Variants in TBL1X observed in about 807,000 individuals in gnomAD.
TBL1X encodes the protein F-box-like/WD repeat-containing protein TBL1X.
Under a neutral mutation model 50.7 loss-of-function variants are expected in TBL1X, and 10 were observed. The ratio of observed to expected loss-of-function variants is 0.20; its 90% CI spans 0.12 to 0.33. The LOEUF is 0.33. TBL1X is among the 10% of genes least tolerant of loss of function. TBL1X has a pLI of 1.00. For missense variants in TBL1X, 340 were observed against 504.4 expected, an observed-to-expected ratio of 0.67 and a Z score of 3.12; for synonymous variants, 190 against 214.7, an observed-to-expected ratio of 0.88 and a Z score of 1.01.
intron 5 of TBL1X, among the ~76,000 whole-genome samples, chrX:9,666,332 C>T (rs866479561): frequency 1.2e-4 from 13 of 110,842 alleles, no homozygotes; most frequent in Non-Finnish European, 1.1e-4. Context: ...ATATAACTAC[C>T]GGATCCCCTT....
intron 2 of TBL1X, among the ~76,000 whole-genome samples, chrX:9,616,905 C>T (rs957784605): frequency 4.5e-5 from 5 of 111,725 alleles, no homozygotes; most frequent in Non-Finnish European, 9.4e-5. Flanking sequence ...TGCAGACAGA[C>T]CCAGCCCTTG....
At chrX:9,654,596 C>G (rs954753686) in intron 5 of TBL1X, among the ~76,000 whole-genome samples, 3 of 111,246 alleles carry the variant, frequency 2.7e-5, no homozygotes, top group African/African-American at 9.8e-5. Context: ...GGAAGCAGTG[C>G]GGGGCTCTTG....
chrX:9,573,551 T>C lies in TBL1X; in HGVS notation c.-130-66722T>C, dbSNP rs141132494. 7.5e-3 allele frequency among the ~76,000 whole-genome samples: 851 copies of C among 112,950 alleles called. 4 individuals carry two copies. Among genetic ancestry groups the C allele is most frequent in the Middle Eastern group, 0.014 (3 of 219 alleles). ...TATGGTGCTTGAAACCTCTGAACTC[T>C]GCAGCTGTGGCAAGTTGTTGAACTG... On this transcript the variant is annotated intron_variant, in intron 2 of 17. Coordinates refer to ENST00000645353, the MANE Select transcript of TBL1X (RefSeq NM_005647.4).
intron 2 of TBL1X, among the ~76,000 whole-genome samples, chrX:9,527,770 C>G (rs1474881740): frequency 9.1e-6 from 1 of 110,486 alleles, no homozygotes; most frequent in African/African-American, 3.3e-5. Context: ...CACTGTTCCG[C>G]CACCATCACC....
At chrX:9,651,389 C>G (rs926288492) in intron 3 of TBL1X, among the ~76,000 whole-genome samples, 1 of 111,804 alleles carries the variant, frequency 8.9e-6, no homozygotes, top group Admixed American at 9.5e-5. Flanking sequence ...CCTAGTAACC[C>G]TTCGTAGCAA....
intron 13 of TBL1X, among the ~76,000 whole-genome samples, chrX:9,705,723 TAAAAAAA>T (rs34666783): frequency 1.3e-5 from 1 of 78,246 alleles, no homozygotes; most frequent in African/African-American, 4.8e-5. Flanking sequence ...CTTGTCTCTT[TAAAAAAA>T]AAAAAAAAAA....
chrX:9,717,446 G>T lies in TBL1X; in HGVS notation c.*1200G>T, dbSNP rs1156473224. 3.6e-5 allele frequency: 4 copies of T among 111,749 alleles called. No homozygotes were observed. Among genetic ancestry groups the T allele is most frequent in the Non-Finnish European group, 7.5e-5 (4 of 53,087 alleles). 9.2% of individuals were successfully genotyped at this position (111,749 alleles called of 1,213,427 possible). ...TCTGGCTGGACAAGGGTCAGTCTTC[G>T]GGGTCAGCAGCGAGATTGCTCTGCA... is the stretch of plus-strand genomic sequence containing the variant. On this transcript the variant is annotated 3_prime_UTR_variant, in exon 18 of 18. Transcript: ENST00000645353.
chrX:9,467,156 C>G (rs961843817), intron 1 of TBL1X, among the ~76,000 whole-genome samples: 1 of 112,609 alleles, frequency 8.9e-6, no homozygotes, highest in African/African-American at 3.2e-5. Flanking sequence ...ACCACTGGTT[C>G]TGTACAACAT....
chrX:9,556,574 A>C (rs2082301280), intron 2 of TBL1X, among the ~76,000 whole-genome samples: 1 of 109,652 alleles, frequency 9.1e-6, no homozygotes, highest in Non-Finnish European at 1.9e-5. Context: ...GGATCACTTG[A>C]GTCCAGGAGG....
At chrX:9,631,817 G>T (rs1053479975) in intron 2 of TBL1X, among the ~76,000 whole-genome samples, 1 of 112,481 alleles carries the variant, frequency 8.9e-6, no homozygotes, top group Non-Finnish European at 1.9e-5. Context: ...TTCTTTGTGG[G>T]AATCCACATT....
intron 2 of TBL1X, among the ~76,000 whole-genome samples, chrX:9,510,647 G>A (rs2082050767): frequency 8.9e-6 from 1 of 112,230 alleles, no homozygotes; most frequent in Non-Finnish European, 1.9e-5. Context: ...CAGGTACTTA[G>A]GAATGTTGTT....
chrX:9,592,078 T>C (rs2082503301), intron 2 of TBL1X, among the ~76,000 whole-genome samples: 1 of 112,402 alleles, frequency 8.9e-6, no homozygotes, highest in African/African-American at 3.2e-5. Context: ...TTCGTATCTG[T>C]TGATGTCATT....
intron 12 of TBL1X, among the ~76,000 whole-genome samples, chrX:9,701,619 C>G (rs1286608401): frequency 1.0e-5 from 1 of 97,912 alleles, no homozygotes; most frequent in African/African-American, 3.9e-5. Flanking sequence ...GAAAACAACT[C>G]TTAATGTTTT....
In TBL1X at chrX:9,536,343, C is replaced by G. The variant is rs763745806; in HGVS notation, c.-131+34494C>G. On this transcript the variant is annotated intron_variant, in intron 2 of 17. Coordinates refer to ENST00000645353, the MANE Select transcript of TBL1X (RefSeq NM_005647.4). ...TCGGCTCACTGCAACCTCCACCTCCCGGGTTCAAGCGATTCTTCTGCGTCA... is the reference window on the plus strand; with the variant it reads ...TCGGCTCACTGCAACCTCCACCTCCGGGGTTCAAGCGATTCTTCTGCGTCA... 1.9e-3 allele frequency among the ~76,000 whole-genome samples: 207 copies of G among 109,200 alleles called. 1 individual carries two copies. Among genetic ancestry groups the G allele is most frequent in the Middle Eastern group, 4.7e-3 (1 of 214 alleles). The allele number at this position is 109,200 out of a possible 115,157, so 94.8% of individuals were successfully genotyped here.
At chrX:9,711,833 G>A (rs2083249237) in intron 16 of TBL1X, 57 bp downstream of exon 16, 10 of 1,124,398 alleles carry the variant, frequency 8.9e-6, no homozygotes, top group East Asian at 6.4e-5. Flanking sequence ...AAATAGCCAC[G>A]ACTCCAGTGC....
rs536225657 is a variant in TBL1X at position 9,611,259 on chromosome X, A to G, written c.-130-29014A>G. ...CTGCCACTTTAAGCTGTGGACAAACAGAACGGATATTCTCCCACCAAAATA... is the reference window on the plus strand; with the variant it reads ...CTGCCACTTTAAGCTGTGGACAAACGGAACGGATATTCTCCCACCAAAATA... On this transcript the variant is annotated intron_variant, in intron 2 of 17. Coordinates refer to ENST00000645353, the MANE Select transcript of TBL1X (RefSeq NM_005647.4). Among the ~76,000 whole-genome samples the G allele has an allele frequency of 4.4e-5, 5 of 112,614 alleles. No homozygotes were observed. The South Asian group carries it at 1.5e-3, about 33-fold the overall frequency.
chrX:9,520,713 G>A (rs2082102683), intron 2 of TBL1X, among the ~76,000 whole-genome samples: 1 of 111,224 alleles, frequency 9.0e-6, no homozygotes, highest in Non-Finnish European at 1.9e-5. Flanking sequence ...TTGCAGATAA[G>A]GGGAGACGTA....
At chrX:9,676,483 C>T (rs757555406) in intron 5 of TBL1X, among the ~76,000 whole-genome samples, 4 of 112,491 alleles carry the variant, frequency 3.6e-5, no homozygotes, top group Non-Finnish European at 7.5e-5. Flanking sequence ...GCCTGGTCTG[C>T]GCTTGTCAGC....
intron 5 of TBL1X, among the ~76,000 whole-genome samples, chrX:9,677,544 C>A (rs1406376115): frequency 1.8e-5 from 2 of 110,523 alleles, no homozygotes; most frequent in African/African-American, 3.3e-5. Flanking sequence ...ATTTTCACTT[C>A]CTATCCAATA....
Sources: allele counts gnomAD v4.1 joint callset (sites outside exome capture counted in the v4.1 genomes callset), GRCh38; gene constraint gnomAD v4.1.1; transcripts MANE v1.5; gene names NCBI Gene and HGNC (gene_info 2026-07-23, HGNC 2026-07-21).